The following PSMA3 variants were observed in gnomAD, a reference collection of about 807,000 sequenced individuals.
PSMA3 encodes the protein proteasome 20S subunit alpha 3.
In PSMA3, 8 loss-of-function variants were observed where a neutral mutation model predicts 40.0. The ratio of observed to expected loss-of-function variants is 0.20; its 90% CI spans 0.12 to 0.36. The LOEUF (loss-of-function observed/expected upper bound fraction) is 0.36, where lower values mean the gene tolerates loss of function less well. Ranked by LOEUF, PSMA3 falls within the 10% of genes least tolerant of loss-of-function variation. The pLI, the probability that PSMA3 is intolerant of heterozygous loss-of-function variation, is 1.00. For missense variants in PSMA3, 219 were observed against 310.6 expected (o/e 0.70, Z 2.22); for synonymous variants, 110 against 100.0 (o/e 1.10, Z -0.59).
At chr14:58,253,319 T>G (rs1261824321) in intron 3 of PSMA3, among the ~76,000 whole-genome samples, 2 of 152,068 alleles carry the variant, frequency 1.3e-5, no homozygotes, top group Non-Finnish European at 2.9e-5. Context: ...AAAAAACAGA[T>G]GCACAGCAAG....
intron 3 of PSMA3, among the ~76,000 whole-genome samples, chr14:58,253,691 T>G (rs1350423268): frequency 1.3e-5 from 2 of 152,144 alleles, no homozygotes; most frequent in Non-Finnish European, 2.9e-5. Flanking sequence ...CCTCCCGGGT[T>G]CAAGCAATTC....
chr14:58,252,339 A>G, intron 3 of PSMA3, 97 bp downstream of exon 3: 1 of 1,417,962 alleles, frequency 7.1e-7, no homozygotes, highest in Middle Eastern at 2.3e-4. Context: ...AAGTAATCAG[A>G]GCAAGTTACT....
chr14:58,262,116 G>T (rs1594829932), intron 6 of PSMA3, among the ~76,000 whole-genome samples: 1 of 152,124 alleles, frequency 6.6e-6, no homozygotes, highest in Admixed American at 6.5e-5. Context: ...TTTTAGTACA[G>T]ATGGGGTTTT....
intron 5 of PSMA3, among the ~76,000 whole-genome samples, chr14:58,258,686 G>C (rs1890203796): frequency 6.6e-6 from 1 of 151,922 alleles, no homozygotes; most frequent in South Asian, 2.1e-4. Context: ...GCTGCATAAA[G>C]ACCTGGAATA....
At chr14:58,255,567 A>G (rs1250768275) in intron 3 of PSMA3, among the ~76,000 whole-genome samples, 3 of 152,192 alleles carry the variant, frequency 2.0e-5, no homozygotes, top group Non-Finnish European at 4.4e-5. Context: ...TCGAAAGTTC[A>G]AGACCAGCCT....
At chr14:58,271,068 AC>A in intron 10 of PSMA3, 70 bp downstream of exon 10, 1 of 1,205,382 alleles carries the variant, frequency 8.3e-7, no homozygotes, top group Non-Finnish European at 1.2e-6. Context: ...GGAGTTTGAG[AC>A]CAGCCTGAGC....
intron 3 of PSMA3, among the ~76,000 whole-genome samples, chr14:58,255,881 C>G (rs1890132679): frequency 1.3e-5 from 2 of 152,190 alleles, no homozygotes; most frequent in African/African-American, 4.8e-5. Flanking sequence ...TGTTTTGAGA[C>G]AAAGTCTCAT....
At chr14:58,247,243 C>T (rs1390527798) in intron 1 of PSMA3, among the ~76,000 whole-genome samples, 1 of 152,090 alleles carries the variant, frequency 6.6e-6, no homozygotes, top group South Asian at 2.1e-4. Flanking sequence ...ATCTTAGTGC[C>T]TTTTCTGATT....
chr14:58,258,913 ATT>A (rs1890207743), intron 5 of PSMA3, among the ~76,000 whole-genome samples: 4 of 149,776 alleles, frequency 2.7e-5, no homozygotes, highest in Non-Finnish European at 3.0e-5. Flanking sequence ...CTTGAGTTTT[ATT>A]CTATTGGTAA....
intron 1 of PSMA3, among the ~76,000 whole-genome samples, chr14:58,247,422 T>C (rs10147580): frequency 0.7 from 106,782 of 152,126 alleles, 37,890 homozygotes; most frequent in Middle Eastern, 0.87. Flanking sequence ...GGCAGAGTTA[T>C]CGTTACAAAT....
At chr14:58,259,309 TTTTTGTTTG>T (rs1468808225) in intron 5 of PSMA3, among the ~76,000 whole-genome samples, 1 of 152,050 alleles carries the variant, frequency 6.6e-6, no homozygotes, top group African/African-American at 2.4e-5. Context: ...CATAACTTTT[TTTTTGTTTG>T]TTTTGTTTTG....
chr14:58,264,830 A>T (rs911687205), intron 7 of PSMA3: 1 of 152,244 alleles, frequency 6.6e-6, no homozygotes, highest in East Asian at 1.9e-4. Context: ...GCTGGTTCTG[A>T]ACAGTATCCA....
At chr14:58,249,281 A>C (rs995582117) in intron 2 of PSMA3, among the ~76,000 whole-genome samples, 2 of 152,014 alleles carry the variant, frequency 1.3e-5, no homozygotes, top group Non-Finnish European at 2.9e-5. Context: ...CTTTTTAAAG[A>C]TGTATTAACC....
rs1437060866 is a variant in PSMA3 at position 58,260,854 on chromosome 14, C to G, written c.405-94C>G. The G allele has an allele frequency of 3.4e-6, 3 of 880,346 alleles. No homozygotes were observed. The Admixed American group carries it at 7.2e-5, about 21-fold the overall frequency. 54.5% of individuals were successfully genotyped at this position (880,346 alleles called of 1,614,324 possible). The stretch of plus-strand genomic sequence containing the variant: ...TTATATGTGTATTAGTAATTTATCT[C>G]AGAAAGAAAATATAACTGCATTTTA... On this transcript the variant is annotated intron_variant, in intron 5 of 10. Transcript: ENST00000216455.
intron 7 of PSMA3, among the ~76,000 whole-genome samples, 183 bp downstream of exon 7, chr14:58,263,953 A>G (rs1289305033): frequency 6.6e-6 from 1 of 152,198 alleles, no homozygotes; most frequent in Admixed American, 6.5e-5. Context: ...ATGTGTTAAG[A>G]AAGTTTACGA....
At chr14:58,247,684 G>C in intron 1 of PSMA3, 66 bp from the exon 2 acceptor site, 1 of 1,074,052 alleles carries the variant, frequency 9.3e-7, no homozygotes, top group Non-Finnish European at 1.4e-6. Context: ...GCCATTTAGA[G>C]GGGAAGAAAC....
intron 6 of PSMA3, 42 bp downstream of exon 6, chr14:58,261,062 T>C: frequency 1.5e-6 from 2 of 1,337,612 alleles, no homozygotes; most frequent in South Asian, 1.2e-5. Context: ...TTTAGTTTAA[T>C]GGTATTTCAT....
Position 58,270,335 on chromosome 14 carries a change from C to T in PSMA3, c.591-83C>T. On this transcript the variant is annotated intron_variant, in intron 8 of 10. Transcript: ENST00000216455. ...GATACTTTTATTATGGATGGACATT[C>T]TAATTTGTACTGACTTTGGGTCTGT... is the stretch of plus-strand genomic sequence containing the variant. 4 of 1,549,248 alleles carry T rather than the reference C, an allele frequency of 2.6e-6. No individual in the cohort carries two copies. In the East Asian group the frequency reaches 6.9e-5, roughly 27 times the overall value.
intron 1 of PSMA3, 200 bp downstream of exon 1, chr14:58,245,141 A>C (rs1594821621): frequency 1.6e-6 from 1 of 638,978 alleles, no homozygotes. Context: ...GTGACTCCTG[A>C]AGCTTTTCAG....
Sources: allele counts gnomAD v4.1 joint callset (sites outside exome capture counted in the v4.1 genomes callset), GRCh38; gene constraint gnomAD v4.1.1; transcripts MANE v1.5; gene names NCBI Gene and HGNC (gene_info 2026-07-23, HGNC 2026-07-21).